The following CDKAL1 variants were observed in gnomAD, a reference collection of about 807,000 sequenced individuals.
CDKAL1 encodes threonylcarbamoyladenosine tRNA methylthiotransferase.
CDKAL1 carries 32 observed loss-of-function variants against 68.2 expected under a neutral mutation model. The ratio of observed to expected loss-of-function variants is 0.47; its 90% CI spans 0.35 to 0.63. The LOEUF is 0.63. CDKAL1 is among the 30% of genes least tolerant of loss of function. The probability of loss-of-function intolerance (pLI) is 0.00; values close to 1 mark genes in which losing one functional copy is unlikely to be tolerated. For missense variants in CDKAL1, 606 were observed against 696.7 expected, an observed-to-expected ratio of 0.87 and a Z score of 1.47; for synonymous variants, 234 against 244.3, an observed-to-expected ratio of 0.96 and a Z score of 0.39.
intron 7 of CDKAL1, among the ~76,000 whole-genome samples, chr6:20,775,693 G>A (rs1412266362): frequency 6.6e-6 from 1 of 151,880 alleles, no homozygotes; most frequent in Non-Finnish European, 1.5e-5. Flanking sequence ...TATTTATTCT[G>A]GTAAGTTTTA....
intron 4 of CDKAL1, among the ~76,000 whole-genome samples, chr6:20,599,569 A>G (rs554241543): frequency 6.6e-6 from 1 of 152,300 alleles, no homozygotes; most frequent in South Asian, 2.1e-4. Context: ...AAATTTGCAT[A>G]ATGACTTGGC....
At chr6:20,936,552 T>C (rs973116919) in intron 9 of CDKAL1, among the ~76,000 whole-genome samples, 1 of 145,988 alleles carries the variant, frequency 6.8e-6, no homozygotes, top group African/African-American at 2.5e-5. Context: ...GCCCGGCCCA[T>C]TTTTTTTTTT....
chr6:20,673,066 A>T (rs751397951), intron 5 of CDKAL1, among the ~76,000 whole-genome samples: 186 of 152,306 alleles, frequency 1.2e-3, no homozygotes, highest in Non-Finnish European at 1.3e-3. Flanking sequence ...CCTGAGCCAC[A>T]GCGCCTGGCT....
intron 8 of CDKAL1, among the ~76,000 whole-genome samples, chr6:20,804,034 C>T (rs1020114983): frequency 6.6e-6 from 1 of 151,990 alleles, no homozygotes; most frequent in Non-Finnish European, 1.5e-5. Flanking sequence ...AACAATTTTC[C>T]AATATTATAT....
intron 5 of CDKAL1, among the ~76,000 whole-genome samples, chr6:20,653,529 G>A (rs904989680): frequency 1.3e-5 from 2 of 151,994 alleles, no homozygotes; most frequent in African/African-American, 4.8e-5. Context: ...TCGGCTCACT[G>A]CAACCTCTGC....
At chr6:21,212,092 G>C (rs1297221499) in intron 15 of CDKAL1, among the ~76,000 whole-genome samples, 1 of 152,114 alleles carries the variant, frequency 6.6e-6, no homozygotes, top group South Asian at 2.1e-4. Flanking sequence ...CATGAGCATA[G>C]TATAGTGAAA....
chr6:20,679,414 C>T (rs1461633154), intron 5 of CDKAL1, among the ~76,000 whole-genome samples: 1 of 152,184 alleles, frequency 6.6e-6, no homozygotes, highest in Non-Finnish European at 1.5e-5. Flanking sequence ...TGCTACAATG[C>T]ATAGCATTTG....
chr6:20,952,001 C>G (rs1289892533), intron 9 of CDKAL1, among the ~76,000 whole-genome samples: 1 of 142,672 alleles, frequency 7.0e-6, no homozygotes, highest in Non-Finnish European at 1.5e-5. Flanking sequence ...CTCTGTCGCC[C>G]AGGCTGGAGT....
chr6:20,782,471 G>A (rs1170419454), intron 8 of CDKAL1, among the ~76,000 whole-genome samples: 1 of 152,130 alleles, frequency 6.6e-6, no homozygotes, highest in East Asian at 1.9e-4. Flanking sequence ...ATGCAAGGCT[G>A]TTTGCTTTCC....
At chr6:20,779,822 A>T (rs1297671428) in intron 7 of CDKAL1, among the ~76,000 whole-genome samples, 4 of 152,124 alleles carry the variant, frequency 2.6e-5, no homozygotes, top group Non-Finnish European at 5.9e-5. Flanking sequence ...TGGCCTCCCA[A>T]AGTGCTGGGA....
intron 4 of CDKAL1, among the ~76,000 whole-genome samples, chr6:20,562,518 C>T (rs577898059): frequency 6.6e-6 from 1 of 152,082 alleles, no homozygotes; most frequent in East Asian, 1.9e-4. Context: ...GTGGGCGGAT[C>T]ACTTGAGGTT....
In CDKAL1 at chr6:20,722,083, G is replaced by T. The variant is rs551363554; in HGVS notation, c.372-17436G>T. On this transcript the variant is annotated intron_variant, in intron 5 of 15. Transcript: ENST00000274695. ...TTTTATATTGAGAGCCATACTTGTG[G>T]CCTCAACTTACTTGCAGGTTACTCT... 2.6e-5 allele frequency among the ~76,000 whole-genome samples: 4 copies of T among 152,148 alleles called. No homozygotes were observed. The East Asian group carries it at 7.7e-4, about 29-fold the overall frequency.
intron 4 of CDKAL1, among the ~76,000 whole-genome samples, chr6:20,551,126 A>G (rs1484358647): frequency 1.3e-5 from 2 of 151,814 alleles, no homozygotes; most frequent in African/African-American, 2.4e-5. Context: ...TGGCCTCCCA[A>G]AGTGCTGGGA....
chr6:20,548,576 T>G lies in CDKAL1; in HGVS notation c.174-17T>G. On this transcript the variant is annotated splice_polypyrimidine_tract_variant and intron_variant, in intron 3 of 15. Coordinates refer to ENST00000274695, the MANE Select transcript of CDKAL1 (RefSeq NM_017774.3). ...TCAATGAAACTTACTTTTTTTTTTT[T>G]ATTGATTCCTTAACAGCACTATTCC... 1 of 1,105,890 alleles carries G rather than the reference T, an allele frequency of 9.0e-7. No homozygotes were observed. The highest frequency in any genetic ancestry group is 1.4e-6 in the Non-Finnish European group (1 of 735,312). 68.5% of individuals were successfully genotyped at this position (1,105,890 alleles called of 1,614,324 possible).
intron 4 of CDKAL1, among the ~76,000 whole-genome samples, chr6:20,604,799 T>G (rs899312691): frequency 3.3e-5 from 5 of 152,248 alleles, no homozygotes; most frequent in African/African-American, 9.6e-5. Flanking sequence ...GACCAATACA[T>G]GTGCTGTCTC....
chr6:20,877,897 A>G (rs184146890), intron 9 of CDKAL1, among the ~76,000 whole-genome samples: 180 of 151,794 alleles, frequency 1.2e-3, no homozygotes, highest in African/African-American at 4.1e-3. Context: ...AGCCCTAACC[A>G]CCCCACTTCC....
In CDKAL1 at chr6:20,595,460, G is replaced by C. The variant is rs189153020; in HGVS notation, c.286+46755G>C. Among the ~76,000 whole-genome samples, 53 of 151,832 alleles carry C rather than the reference G, an allele frequency of 3.5e-4. 1 individual carries two copies. Among genetic ancestry groups the C allele is most frequent in the Admixed American group, 2.1e-3 (32 of 15,236 alleles). On this transcript the variant is annotated intron_variant, in intron 4 of 15. Coordinates refer to ENST00000274695, the MANE Select transcript of CDKAL1 (RefSeq NM_017774.3). ...TGATATCCTTTCTTCCGCTTGATCCGTTTGGCTATTGATACTTGTGAATGC... is the reference window on the plus strand; with the variant it reads ...TGATATCCTTTCTTCCGCTTGATCCCTTTGGCTATTGATACTTGTGAATGC...
At chr6:20,606,401 G>A (rs1261251522) in intron 4 of CDKAL1, among the ~76,000 whole-genome samples, 1 of 152,130 alleles carries the variant, frequency 6.6e-6, no homozygotes, top group Non-Finnish European at 1.5e-5. Context: ...GTAGAACATA[G>A]AGAAGAGAAC....
intron 5 of CDKAL1, among the ~76,000 whole-genome samples, chr6:20,688,569 T>C (rs1770735283): frequency 6.6e-6 from 1 of 152,204 alleles, no homozygotes; most frequent in Non-Finnish European, 1.5e-5. Context: ...TTCATTTCCG[T>C]TAGTGTTTTT....
Sources: allele counts gnomAD v4.1 joint callset (sites outside exome capture counted in the v4.1 genomes callset), GRCh38; gene constraint gnomAD v4.1.1; transcripts MANE v1.5; gene names NCBI Gene and HGNC (gene_info 2026-07-23, HGNC 2026-07-21).